NEMP2: variants seen among roughly 807,000 people sequenced by gnomAD.
The protein encoded by NEMP2 is UPF0571 transmembrane protein.
NEMP2 carries 53 observed loss-of-function variants against 54.2 expected under a neutral mutation model. That is an observed-to-expected ratio of 0.98 (90% confidence interval 0.78 to 1.23). NEMP2 has a LOEUF of 1.23. NEMP2 is among the 50% of genes most tolerant of loss of function. The pLI is 0.00. For missense variants in NEMP2, 455 were observed against 511.3 expected (o/e 0.89, Z 1.06); for synonymous variants, 197 against 190.3 (o/e 1.04, Z -0.29).
Position 190,519,020 on chromosome 2 carries a change from T to G in NEMP2, c.377A>C (p.Glu126Ala). Residue 126 changes from glutamate (E) to alanine (A), a missense_variant, in exon 3 of 9, where the codon GAG becomes GCG. By Grantham distance (107) the Glu-to-Ala change is moderately radical. This residue lies in a region of NEMP2 where 61 missense variants were observed against 97.5 expected (regional missense o/e 0.63). Coordinates refer to ENST00000409150, the MANE Select transcript of NEMP2 (RefSeq NM_001142645.2). The surrounding 1 kb of genome is among the most constrained non-coding windows in gnomAD (Gnocchi z 5.4). Reference protein sequence around the residue: ...EITIIINPYRETVCFSVEPVK... With the variant: ...EITIIINPYRATVCFSVEPVK... ...AGGCTCCACAGAGAAGCACACAGTC[T>G]CCCTGTATGGATTGATGATTATGGT... 2 of 1,551,460 alleles carry G rather than the reference T, an allele frequency of 1.3e-6. No homozygotes were observed.
rs1690321781 is a variant in NEMP2 at position 190,510,494 on chromosome 2, A to G, written c.997T>C (p.Tyr333His). ...WFTSKELVVK[Y>H]LTEDEYREQA... The stretch of plus-strand genomic sequence containing the variant: ...TCCCTGTACTCGTCTTCCGTAAGAT[A>G]TTTCACCACCAGCTCTTTTGATGTA... The change falls in exon 8 of 9, where the codon TAT becomes CAT. Residue 333 changes from tyrosine to histidine, a missense_variant. This residue lies in a region of NEMP2 where 294 missense variants were observed against 333.6 expected (regional missense o/e 0.88). Coordinates refer to ENST00000409150, the MANE Select transcript of NEMP2 (RefSeq NM_001142645.2). This position sits in a 1 kb window ranked among gnomAD's most constrained non-coding sequence, Gnocchi z 5.7. The G allele has an allele frequency of 6.4e-7, 1 of 1,551,882 alleles. No individual in the cohort carries two copies. The highest frequency in any genetic ancestry group is 8.7e-7 in the Non-Finnish European group (1 of 1,147,050).
chr2:190,470,215 T>G, the NEMP2 span, among the ~76,000 whole-genome samples: 3 of 152,262 alleles, frequency 2.0e-5, no homozygotes, highest in African/African-American at 7.2e-5. Flanking sequence ...GTTTTGTAGG[T>G]TAACTATAGT....
In NEMP2 at chr2:190,527,994, A is replaced by G. The variant is rs1691003073; in HGVS notation, c.98-2616T>C. 6.6e-6 allele frequency among the ~76,000 whole-genome samples: 1 copy of G among 152,224 alleles called. No individual in the cohort carries two copies. Among genetic ancestry groups the G allele is most frequent in the South Asian group, 2.1e-4 (1 of 4,834 alleles). On this transcript the variant is annotated intron_variant, in intron 1 of 8. Coordinates refer to ENST00000409150, the MANE Select transcript of NEMP2 (RefSeq NM_001142645.2). The surrounding 1 kb of genome is among the most constrained non-coding windows in gnomAD (Gnocchi z 4.0). ...CTAAAAGGTTGAAGACTGCTGTTCT[A>G]CAGGCTCTCTGTTAAATACAGGATA... is the stretch of plus-strand genomic sequence containing the variant.
chr2:190,456,302 G>A, the NEMP2 span, among the ~76,000 whole-genome samples: 1 of 152,146 alleles, frequency 6.6e-6, no homozygotes, highest in Non-Finnish European at 1.5e-5. This position sits in a 1 kb window ranked among gnomAD's most constrained non-coding sequence, Gnocchi z 5.4. Context: ...GACAGAGAAG[G>A]TGTTTAGCAT....
chr2:190,579,003 C>G, the NEMP2 span, among the ~76,000 whole-genome samples: 179 of 152,268 alleles, frequency 1.2e-3, 1 homozygote, highest in South Asian at 4.1e-4. Context: ...GATGCGTGCT[C>G]TTTCCCAGGG....
chr2:190,534,551 C>T lies in NEMP2; in HGVS notation c.97+8G>A, dbSNP rs1000853193. On this transcript the variant is annotated splice_region_variant and intron_variant, in intron 1 of 8. Transcript: ENST00000409150. The stretch of plus-strand genomic sequence containing the variant: ...ACGCGCGCGCCGCCGCCGCCGGTCC[C>T]GGGTTACCTGATAACGCTGCCGCCG... 2 of 1,400,238 alleles carry T rather than the reference C, an allele frequency of 1.4e-6. No homozygotes were observed. Among genetic ancestry groups the T allele is most frequent in the African/African-American group, 1.5e-5 (1 of 66,306 alleles). 86.7% of individuals were successfully genotyped at this position (1,400,238 alleles called of 1,614,324 possible).
At chr2:190,478,967 A>G in the NEMP2 span, among the ~76,000 whole-genome samples, 14 of 152,188 alleles carry the variant, frequency 9.2e-5, 1 homozygote, top group Admixed American at 9.2e-4. Flanking sequence ...GATGTGCCTC[A>G]TTCTATAGCC....
chr2:190,423,192 C>G, the NEMP2 span, among the ~76,000 whole-genome samples: 1 of 152,162 alleles, frequency 6.6e-6, no homozygotes, highest in Non-Finnish European at 1.5e-5. This position sits in a 1 kb window ranked among gnomAD's most constrained non-coding sequence, Gnocchi z 4.3. Flanking sequence ...CATAATAGCA[C>G]CATTGACATT....
the NEMP2 span, among the ~76,000 whole-genome samples, chr2:190,588,222 T>A: frequency 6.6e-6 from 1 of 152,100 alleles, no homozygotes; most frequent in Non-Finnish European, 1.5e-5. This position sits in a 1 kb window ranked among gnomAD's most constrained non-coding sequence, Gnocchi z 5.0. Context: ...TTTGGAAGAT[T>A]TTCCTGAAAA....
chr2:190,444,017 T>C, the NEMP2 span, among the ~76,000 whole-genome samples: 1 of 152,130 alleles, frequency 6.6e-6, no homozygotes, highest in Admixed American at 6.5e-5. Context: ...ATCACACCAC[T>C]GCACTCCAGC....
rs1056797014 is a variant in NEMP2, at chr2:190,519,889, C to G, written c.214-706G>C. Among the ~76,000 whole-genome samples, 3 of 152,336 alleles carry G rather than the reference C, an allele frequency of 2.0e-5. No individual in the cohort carries two copies. In the East Asian group the frequency reaches 5.8e-4, roughly 29 times the overall value. On this transcript the variant is annotated intron_variant, in intron 2 of 8. Coordinates refer to ENST00000409150, the MANE Select transcript of NEMP2 (RefSeq NM_001142645.2). This position sits in a 1 kb window ranked among gnomAD's most constrained non-coding sequence, Gnocchi z 5.4. Reference sequence around the variant, plus strand: ...TGCAACTCTGTGTCAGGCAAATCTACTGGCACCATTTTTTCAACAGCATGT... The same window carrying G: ...TGCAACTCTGTGTCAGGCAAATCTAGTGGCACCATTTTTTCAACAGCATGT...
intron 1 of NEMP2, chr2:190,534,002 G>A: frequency 1.0e-6 from 1 of 985,238 alleles, no homozygotes; most frequent in Non-Finnish European, 1.2e-6. Context: ...ACCTTGTGAG[G>A]CCTCATTACC....
the NEMP2 span, among the ~76,000 whole-genome samples, chr2:190,594,722 T>C: frequency 6.6e-6 from 1 of 152,160 alleles, no homozygotes; most frequent in East Asian, 1.9e-4. This position sits in a 1 kb window ranked among gnomAD's most constrained non-coding sequence, Gnocchi z 5.6. Context: ...CGTGTGCCAG[T>C]ACACCCGGCT....
chr2:190,623,656 A>T, the NEMP2 span, among the ~76,000 whole-genome samples: 2 of 152,230 alleles, frequency 1.3e-5, no homozygotes, highest in Non-Finnish European at 2.9e-5. Flanking sequence ...TCATATCAAA[A>T]ATTAAATCAA....
the NEMP2 span, among the ~76,000 whole-genome samples, chr2:190,569,411 G>A: frequency 2.4e-5 from 1 of 41,128 alleles, no homozygotes; most frequent in Non-Finnish European, 5.6e-5. Context: ...AATAAAAAAA[G>A]GAAAGTCCAG....
chr2:190,556,830 A>C, the NEMP2 span, among the ~76,000 whole-genome samples: 1 of 152,240 alleles, frequency 6.6e-6, no homozygotes, highest in Non-Finnish European at 1.5e-5. Flanking sequence ...AAGAGAGGAC[A>C]CAAACAAATG....
At chr2:190,553,886 A>G in the NEMP2 span, among the ~76,000 whole-genome samples, 20 of 152,328 alleles carry the variant, frequency 1.3e-4, 2 homozygotes, top group South Asian at 1.7e-3. Flanking sequence ...ATGGCTGAAT[A>G]GGAACAGCTC....
chr2:190,587,402 CA>C, the NEMP2 span, among the ~76,000 whole-genome samples: 3 of 152,134 alleles, frequency 2.0e-5, no homozygotes, highest in Non-Finnish European at 4.4e-5. This position sits in a 1 kb window ranked among gnomAD's most constrained non-coding sequence, Gnocchi z 5.4. Flanking sequence ...GGAACAAAGG[CA>C]AAAACACGGA....
rs1202775704 is a variant in NEMP2 at position 190,514,045 on chromosome 2, C to A, written c.953+408G>T. Among the ~76,000 whole-genome samples the A allele has an allele frequency of 2.6e-5, 4 of 152,204 alleles. No individual in the cohort carries two copies. Among genetic ancestry groups the A allele is most frequent in the Non-Finnish European group, 5.9e-5 (4 of 68,032 alleles). ...AAGAAAGTCCTAAATACAAATAATA[C>A]CTTTCAGTCATTTATGATTCATTTC... On this transcript the variant is annotated intron_variant, in intron 7 of 8. Transcript: ENST00000409150. This position sits in a 1 kb window ranked among gnomAD's most constrained non-coding sequence, Gnocchi z 5.7.
Sources: allele counts gnomAD v4.1 joint callset (sites outside exome capture counted in the v4.1 genomes callset), GRCh38; gene constraint gnomAD v4.1.1; regional missense constraint gnomAD v4.1.1; non-coding constraint Gnocchi (gnomAD v3.1); transcripts MANE v1.5; gene names NCBI Gene and HGNC (gene_info 2026-07-23, HGNC 2026-07-21).